FRYL: variants seen among roughly 807,000 people sequenced by gnomAD.
FRYL encodes protein furry homolog-like.
In FRYL, 150 loss-of-function variants were observed where a neutral mutation model predicts 351.2. That is an observed-to-expected ratio of 0.43 (90% CI 0.37 to 0.49). The LOEUF (loss-of-function observed/expected upper bound fraction) is 0.49, where lower values mean the gene tolerates loss of function less well. FRYL is among the 20% of genes least tolerant of loss of function. The probability of loss-of-function intolerance (pLI) is 0.00; values close to 1 mark genes in which losing one functional copy is unlikely to be tolerated. For missense variants in FRYL, 3,036 were observed against 3,619.3 expected, an observed-to-expected ratio of 0.84 and a Z score of 4.13; for synonymous variants, 1,153 against 1,257.1, an observed-to-expected ratio of 0.92 and a Z score of 1.75.
intron 4 of FRYL, among the ~76,000 whole-genome samples, chr4:48,628,136 A>G (rs1416147668): frequency 6.6e-6 from 1 of 152,216 alleles, no homozygotes; most frequent in East Asian, 1.9e-4. Context: ...GTAACTCATC[A>G]CAAACAACTA....
intron 19 of FRYL, among the ~76,000 whole-genome samples, chr4:48,586,003 C>G (rs889992090): frequency 6.6e-6 from 1 of 152,160 alleles, no homozygotes; most frequent in African/African-American, 2.4e-5. Flanking sequence ...CTGGTACTTT[C>G]CAGAAAAATG....
intron 3 of FRYL, among the ~76,000 whole-genome samples, chr4:48,676,921 C>T (rs186265894): frequency 2.0e-5 from 3 of 152,282 alleles, no homozygotes; most frequent in East Asian, 3.9e-4. Context: ...TACATAATCA[C>T]AATAAGTATA....
intron 2 of FRYL, among the ~76,000 whole-genome samples, 189 bp downstream of exon 2, chr4:48,710,330 T>C (rs1003787574): frequency 6.6e-6 from 1 of 152,240 alleles, no homozygotes; most frequent in African/African-American, 2.4e-5. Context: ...CATGTGTTTA[T>C]ATTCTTCATA....
At chr4:48,514,808 T>C (rs1302341710) in intron 56 of FRYL, among the ~76,000 whole-genome samples, 1 of 152,266 alleles carries the variant, frequency 6.6e-6, no homozygotes, top group Admixed American at 6.5e-5. Flanking sequence ...TTTTTCTTTA[T>C]GGGAATGTCC....
At chr4:48,754,207 A>G (rs1773534614) in intron 1 of FRYL, among the ~76,000 whole-genome samples, 1 of 152,174 alleles carries the variant, frequency 6.6e-6, no homozygotes, top group South Asian at 2.1e-4. Context: ...TGGTAACCAC[A>G]CCACAAATTT....
intron 1 of FRYL, among the ~76,000 whole-genome samples, chr4:48,754,090 T>G (rs910554401): frequency 6.6e-6 from 1 of 152,214 alleles, no homozygotes; most frequent in African/African-American, 2.4e-5. Context: ...ATTAAGTACA[T>G]GCATTATATT....
In FRYL at chr4:48,634,400, A is replaced by G; in HGVS notation, c.11T>C (p.Ile4Thr). Residue 4 changes from isoleucine (I) to threonine (T), a missense_variant, in exon 4 of 64, where the codon ATT becomes ACT. Around this residue, in one of 7 missense-constraint regions of FRYL, gnomAD observed 457 missense variants for 566.6 expected, o/e 0.81. Coordinates refer to ENST00000358350, the MANE Select transcript of FRYL (RefSeq NM_015030.2). ...AGGTTTGACATCTGGGTCAATCGTA[A>G]TGTTTGACATGATGATATTTTTTTT... MSN[I>T]TIDPDVKPGE... 1 of 1,613,258 alleles carries G rather than the reference A, an allele frequency of 6.2e-7. No homozygotes were observed. The highest frequency in any genetic ancestry group is 8.5e-7 in the Non-Finnish European group (1 of 1,179,324).
chr4:48,550,148 A>G (rs1732370417), intron 38 of FRYL, among the ~76,000 whole-genome samples: 1 of 152,210 alleles, frequency 6.6e-6, no homozygotes, highest in Non-Finnish European at 1.5e-5. Context: ...ATTGGACCAG[A>G]TCATCTTCAG....
chr4:48,688,623 T>TA (rs1291444746), intron 2 of FRYL, among the ~76,000 whole-genome samples: 2 of 150,106 alleles, frequency 1.3e-5, no homozygotes, highest in Non-Finnish European at 2.9e-5. Context: ...TAAATTTTTT[T>TA]AAAAATGAAC....
chr4:48,575,021 G>A (rs905754782), intron 25 of FRYL, 96 bp downstream of exon 25: 3 of 1,193,794 alleles, frequency 2.5e-6, no homozygotes, highest in African/African-American at 1.5e-5. Context: ...CAAGCACTCT[G>A]CTTGACCCTA....
intron 3 of FRYL, among the ~76,000 whole-genome samples, chr4:48,656,704 TATAA>T (rs1301519004): frequency 5.9e-5 from 5 of 85,318 alleles, no homozygotes; most frequent in African/African-American, 2.2e-4. Context: ...TATGCATATA[TATAA>T]AATGTATATA....
chr4:48,722,388 C>T (rs1450892894), intron 1 of FRYL, among the ~76,000 whole-genome samples: 5 of 152,138 alleles, frequency 3.3e-5, no homozygotes, highest in East Asian at 1.9e-4. Flanking sequence ...TTTGTTAAAA[C>T]GTTTTATTAA....
At chr4:48,613,499 T>TAACAAAGA (rs1560716358) in intron 7 of FRYL, among the ~76,000 whole-genome samples, 1 of 152,210 alleles carries the variant, frequency 6.6e-6, no homozygotes, top group Non-Finnish European at 1.5e-5. Context: ...TGCTCTTTGT[T>TAACAAAGA]GCCACCCTAC....
intron 2 of FRYL, among the ~76,000 whole-genome samples, chr4:48,696,314 T>A (rs1187645798): frequency 6.6e-6 from 1 of 152,098 alleles, no homozygotes; most frequent in Non-Finnish European, 1.5e-5. Flanking sequence ...AAAGAAAATG[T>A]AGTACATATA....
Position 48,551,589 on chromosome 4 carries a change from A to C in FRYL, c.4436-11T>G. Reference sequence around the variant, plus strand: ...TACTGGAAGTAGTTCCTGTAATCAAAGACAAAGCAGTACTCGTGAATCTAC... The same window carrying C: ...TACTGGAAGTAGTTCCTGTAATCAACGACAAAGCAGTACTCGTGAATCTAC... On this transcript the variant is annotated splice_polypyrimidine_tract_variant and intron_variant, in intron 36 of 63. Coordinates refer to ENST00000358350, the MANE Select transcript of FRYL (RefSeq NM_015030.2). 1 of 1,558,918 alleles carries C rather than the reference A, an allele frequency of 6.4e-7. No individual in the cohort carries two copies. The highest frequency in any genetic ancestry group is 1.1e-5 in the South Asian group (1 of 89,368).
chr4:48,590,327 T>A (rs1417269341), intron 17 of FRYL, among the ~76,000 whole-genome samples: 1 of 151,704 alleles, frequency 6.6e-6, no homozygotes. Context: ...CTACTAAAAA[T>A]ACAAAAATTA....
intron 1 of FRYL, among the ~76,000 whole-genome samples, chr4:48,741,370 C>T (rs1772044325): frequency 6.6e-6 from 1 of 151,938 alleles, no homozygotes; most frequent in Admixed American, 6.6e-5. Flanking sequence ...GAAACCCCAT[C>T]TCTACTAAAA....
At chr4:48,524,518 C>T (rs987119283) in intron 53 of FRYL, among the ~76,000 whole-genome samples, 2 of 152,120 alleles carry the variant, frequency 1.3e-5, no homozygotes, top group African/African-American at 4.8e-5. Flanking sequence ...TTATAATTTT[C>T]ATTAGTGGTT....
chr4:48,521,206 C>A lies in FRYL; in HGVS notation c.7531G>T (p.Asp2511Tyr), dbSNP rs565939733. ...ILSRTQMLNS[D>Y]SATDETIPDH... ...GGTATTGTTTCATCAGTGGCAGAAT[C>A]ACTGTTTAACTAAAAAGAGAAAGAG... Residue 2511 changes from aspartate to tyrosine, a missense_variant, in exon 55 of 64, where the codon GAT becomes TAT. Around this residue, in one of 7 missense-constraint regions of FRYL, gnomAD observed 1,987 missense variants for 2,311.7 expected, o/e 0.86. Transcript: ENST00000358350. The A allele has an allele frequency of 6.2e-7, 1 of 1,602,892 alleles. No individual in the cohort carries two copies. Among genetic ancestry groups the A allele is most frequent in the Admixed American group, 1.7e-5 (1 of 58,996 alleles).
Sources: allele counts gnomAD v4.1 joint callset (sites outside exome capture counted in the v4.1 genomes callset), GRCh38; gene constraint gnomAD v4.1.1; regional missense constraint gnomAD v4.1.1; transcripts MANE v1.5; gene names NCBI Gene and HGNC (gene_info 2026-07-23, HGNC 2026-07-21).